Variants in SETDB1 observed in about 807,000 individuals in gnomAD.
The protein encoded by SETDB1 is SET domain bifurcated histone lysine methyltransferase 1, also known as histone-lysine N-methyltransferase SETDB1.
Under a neutral mutation model 137.4 loss-of-function variants are expected in SETDB1, and 31 were observed. That is an observed-to-expected ratio of 0.23 (90% CI 0.17 to 0.30). The LOEUF (loss-of-function observed/expected upper bound fraction) is 0.30. Ranked by LOEUF, SETDB1 falls within the 10% of genes least tolerant of loss-of-function variation. SETDB1 has a pLI of 1.00. For missense variants in SETDB1, 1,113 were observed against 1,631.5 expected, an observed-to-expected ratio of 0.68 and a Z score of 5.47; for synonymous variants, 548 against 579.9, an observed-to-expected ratio of 0.95 and a Z score of 0.79.
intron 15 of SETDB1, among the ~76,000 whole-genome samples, chr1:150,960,147 C>T (rs1407406595): frequency 2.0e-5 from 3 of 151,358 alleles, no homozygotes; most frequent in Non-Finnish European, 4.4e-5. Context: ...GCTGGTAGAG[C>T]GGGTATTGAT....
At chr1:150,931,283 G>A (rs1243587177) in intron 3 of SETDB1, among the ~76,000 whole-genome samples, 3 of 76,442 alleles carry the variant, frequency 3.9e-5, no homozygotes, top group Admixed American at 3.2e-4. Flanking sequence ...AAAAAAAAAG[G>A]GTTTCCAGAA....
rs755050433 is a variant in SETDB1, at chr1:150,933,227, C to CT, written c.412+3119dup. Among the ~76,000 whole-genome samples, 559 of 148,132 alleles carry CT rather than the reference C, an allele frequency of 3.8e-3. 3 individuals carry two copies. Among genetic ancestry groups the CT allele is most frequent in the Non-Finnish European group, 6.5e-3 (436 of 66,652 alleles). On this transcript the variant is annotated intron_variant, in intron 3 of 21. Transcript: ENST00000692827. ...AGTACATGCCGCCACGCCCAGCTAA[C>CT]TTTTTTTTTTGTAGTAGAGATAAGG...
At chr1:150,956,154 G>T (rs587673175) in intron 14 of SETDB1, among the ~76,000 whole-genome samples, 9 of 151,384 alleles carry the variant, frequency 5.9e-5, no homozygotes, top group Non-Finnish European at 1.0e-4. Context: ...TTGGGAGGCC[G>T]AGACAGGTGG....
intron 5 of SETDB1, 61 bp downstream of exon 5, chr1:150,941,489 T>A: frequency 2.0e-6 from 2 of 1,019,258 alleles, no homozygotes; most frequent in South Asian, 2.6e-5. Flanking sequence ...GATTTTGTCT[T>A]AAGTCTTATG....
chr1:150,937,620 A>T (rs587744168), intron 3 of SETDB1, among the ~76,000 whole-genome samples: 1 of 152,204 alleles, frequency 6.6e-6, no homozygotes, highest in African/African-American at 2.4e-5. Context: ...TGACAAGGAT[A>T]TGGAGGAATT....
At chr1:150,937,142 G>GTA (rs587620275) in intron 3 of SETDB1, among the ~76,000 whole-genome samples, 242 of 148,226 alleles carry the variant, frequency 1.6e-3, no homozygotes, top group Non-Finnish European at 2.7e-3. Flanking sequence ...AAATATATGT[G>GTA]TATATATATA....
chr1:150,945,255 T>A (rs1420811562), intron 9 of SETDB1, 147 bp downstream of exon 9: 1 of 1,465,964 alleles, frequency 6.8e-7, no homozygotes, highest in Non-Finnish European at 9.0e-7. Context: ...CAAATTTTAC[T>A]TTGCCCTTTT....
chr1:150,933,368 C>CTTTTTTCTTTTTTTTT (rs1669826752), intron 3 of SETDB1, among the ~76,000 whole-genome samples: 1 of 118,888 alleles, frequency 8.4e-6, no homozygotes, highest in Admixed American at 1.0e-4. Flanking sequence ...CCTATTTTGT[C>CTTTTTTCTTTTTTTTT]TTTTTTTTTT....
Position 150,942,859 on chromosome 1 carries a change from G to A in SETDB1, c.681G>A (p.Gly227=), listed in dbSNP as rs766718981. 2.5e-6 allele frequency: 4 copies of A among 1,614,048 alleles called. No individual in the cohort carries two copies. Among genetic ancestry groups the A allele is most frequent in the East Asian group, 2.2e-5 (1 of 44,884 alleles). ...TLIAIQTVGP[G]KKYKVKFDNK... ...TCTTTCCCTTTTACTCAGGGCCAGG[G>A]AAGAAATACAAGGTGAAATTTGACA... is the stretch of plus-strand genomic sequence containing the variant. Residue 227 remains glycine (G), a synonymous_variant, in exon 7 of 22, where the codon GGG becomes GGA. Transcript: ENST00000692827.
At chr1:150,958,184 CAAA>C (rs1156374407) in intron 14 of SETDB1, among the ~76,000 whole-genome samples, 5 of 84,312 alleles carry the variant, frequency 5.9e-5, no homozygotes, top group Non-Finnish European at 1.0e-4. Context: ...ACTCTGTCTC[CAAA>C]AAAAAAAAAA....
intron 10 of SETDB1, among the ~76,000 whole-genome samples, chr1:150,947,492 C>A (rs1670364213): frequency 6.6e-6 from 1 of 152,010 alleles, no homozygotes; most frequent in African/African-American, 2.4e-5. Context: ...CAGACCTGGC[C>A]AGGCACAGTG....
At chr1:150,935,986 T>A (rs1669933985) in intron 3 of SETDB1, among the ~76,000 whole-genome samples, 1 of 152,126 alleles carries the variant, frequency 6.6e-6, no homozygotes, top group Admixed American at 6.6e-5. Context: ...CATATCCTAG[T>A]TATTCTTTTC....
At chr1:150,964,106 G>A (rs1278663057) in intron 21 of SETDB1, 23 bp downstream of exon 21, 5 of 1,602,220 alleles carry the variant, frequency 3.1e-6, no homozygotes, top group Non-Finnish European at 4.3e-6. Flanking sequence ...GAAAGGGGAT[G>A]ACTGGGGAGG....
At chr1:150,931,261 CAAAAAA>C (rs767694682) in intron 3 of SETDB1, among the ~76,000 whole-genome samples, 9 of 67,516 alleles carry the variant, frequency 1.3e-4, no homozygotes, top group East Asian at 5.3e-4. Context: ...CTCTTGTCTT[CAAAAAA>C]AAAAAAAAAA....
chr1:150,941,275 T>C, intron 4 of SETDB1, 54 bp from the exon 5 acceptor site: 1 of 966,284 alleles, frequency 1.0e-6, no homozygotes, highest in African/African-American at 1.6e-5. Flanking sequence ...CTGAAGTTAT[T>C]TGTAACCCAT....
At position 150,960,190 on chromosome 1, in the gene SETDB1, G is replaced by A. The variant is rs756144858; in HGVS notation, c.2504-373G>A. On this transcript the variant is annotated intron_variant, in intron 15 of 21. Transcript: ENST00000692827. ...TCCTTATTCTTTCTAATAGGTCCCC[G>A]TGGCCGGGTGCGGTGGCTAACACCT... is the stretch of plus-strand genomic sequence containing the variant. 5.3e-5 allele frequency among the ~76,000 whole-genome samples: 8 copies of A among 151,434 alleles called. No homozygotes were observed. In the East Asian group the frequency reaches 5.9e-4, roughly 11 times the overall value.
At position 150,964,569 on chromosome 1, in the gene SETDB1, G is replaced by A; in HGVS notation, c.*205G>A. 5.7e-6 allele frequency: 4 copies of A among 698,438 alleles called. No individual in the cohort carries two copies. Among genetic ancestry groups the A allele is most frequent in the Non-Finnish European group, 7.8e-6 (3 of 382,822 alleles). The allele number at this position is 698,438 out of a possible 1,614,324, so 43.3% of individuals were successfully genotyped here. A position where few individuals can be genotyped will look rare whatever the true frequency, so the allele number is the denominator to read the frequency against. On this transcript the variant is annotated 3_prime_UTR_variant, in exon 22 of 22. Transcript: ENST00000692827. ...CTTCTCCACCTCCAAAGGCCCTAAA[G>A]GGTGGGGAGAGATCACCACTCTAAC... is the stretch of plus-strand genomic sequence containing the variant.
chr1:150,941,670 A>G (rs1558016320), intron 5 of SETDB1, among the ~76,000 whole-genome samples: 1 of 152,046 alleles, frequency 6.6e-6, no homozygotes, highest in Non-Finnish European at 1.5e-5. Flanking sequence ...GAGATTAGGG[A>G]GAAGAGAATC....
rs745880862 is a variant in SETDB1, at chr1:150,951,100, T to G, written c.2216+10T>G. 19 of 1,597,392 alleles carry G rather than the reference T, an allele frequency of 1.2e-5. No homozygotes were observed. The highest frequency in any genetic ancestry group is 2.2e-5 in the East Asian group (1 of 44,590). The stretch of plus-strand genomic sequence containing the variant: ...ATGGGTGTCGGGACAAGTGAGTTGG[T>G]GGGGGGAATTGCTGCCCCTGCTTCC... On this transcript the variant is annotated intron_variant, in intron 13 of 21. Coordinates refer to ENST00000692827, the MANE Select transcript of SETDB1 (RefSeq NM_001366418.1).
Sources: gnomAD v4.1 joint callset for allele counts (sites outside exome capture counted in the v4.1 genomes callset) on GRCh38, gnomAD v4.1.1 for gene constraint, MANE v1.5 for transcripts, NCBI Gene and HGNC (gene_info 2026-07-23, HGNC 2026-07-21) for gene names.